Variants in RTN4IP1 observed in about 807,000 individuals in gnomAD.
RTN4IP1 encodes reticulon 4 interacting protein 1.
A neutral mutation model predicts 46.6 loss-of-function variants in RTN4IP1; 32 were observed. The observed-to-expected ratio is 0.69, with a 90% confidence interval of 0.52 to 0.92. The LOEUF is 0.92. RTN4IP1 is among the 40% of genes least tolerant of loss of function. The pLI is 0.00. For synonymous variants in RTN4IP1, 167 were observed against 161.8 expected, an observed-to-expected ratio of 1.03 and a Z score of -0.24; for missense variants, 424 against 485.8, an observed-to-expected ratio of 0.87 and a Z score of 1.20.
At chr6:106,627,278 A>T (rs978554828) in intron 1 of RTN4IP1, among the ~76,000 whole-genome samples, 1 of 152,234 alleles carries the variant, frequency 6.6e-6, no homozygotes, top group Non-Finnish European at 1.5e-5. Context: ...AAAAGTCTAG[A>T]TACAGCCATT....
chr6:106,617,174 C>T (rs1776377223), intron 4 of RTN4IP1, among the ~76,000 whole-genome samples: 1 of 152,208 alleles, frequency 6.6e-6, no homozygotes. Context: ...AAATAAATTT[C>T]TCTTGTTTTT....
chr6:106,583,115 A>C (rs1341798502), intron 8 of RTN4IP1, among the ~76,000 whole-genome samples: 1 of 152,208 alleles, frequency 6.6e-6, no homozygotes, highest in Non-Finnish European at 1.5e-5. Context: ...TAGATGAGAG[A>C]AGCTCTTGTG....
chr6:106,595,356 G>A (rs907095811), intron 5 of RTN4IP1, among the ~76,000 whole-genome samples: 25 of 152,148 alleles, frequency 1.6e-4, no homozygotes, highest in African/African-American at 6.0e-4. Context: ...CAAAACTAGA[G>A]GAGGCACATC....
intron 8 of RTN4IP1, among the ~76,000 whole-genome samples, chr6:106,574,400 G>A (rs1461777528): frequency 2.6e-5 from 4 of 150,982 alleles, no homozygotes; most frequent in South Asian, 2.1e-4. Context: ...CTGAGATCGC[G>A]CCACTGCACT....
At chr6:106,588,559 A>T (rs1414616657) in intron 6 of RTN4IP1, among the ~76,000 whole-genome samples, 1 of 152,256 alleles carries the variant, frequency 6.6e-6, no homozygotes, top group African/African-American at 2.4e-5. Context: ...ACTGACAGAT[A>T]TTCAACTTCT....
At chr6:106,608,791 T>C (rs1402703788) in intron 4 of RTN4IP1, among the ~76,000 whole-genome samples, 1 of 152,184 alleles carries the variant, frequency 6.6e-6, no homozygotes, top group Non-Finnish European at 1.5e-5. Context: ...GGGAAAAAAG[T>C]ATGAAAAGTG....
At chr6:106,607,153 G>A (rs570067756) in intron 4 of RTN4IP1, among the ~76,000 whole-genome samples, 4 of 152,122 alleles carry the variant, frequency 2.6e-5, no homozygotes, top group Non-Finnish European at 5.9e-5. Flanking sequence ...GTTGGTGAGA[G>A]GATAATTTCT....
chr6:106,600,119 C>T (rs1775904666), intron 5 of RTN4IP1, among the ~76,000 whole-genome samples: 1 of 152,100 alleles, frequency 6.6e-6, no homozygotes, highest in African/African-American at 2.4e-5. Context: ...AGTCAGCAGA[C>T]AGACAGGAAG....
chr6:106,602,729 T>C, intron 5 of RTN4IP1, 145 bp downstream of exon 5: 2 of 509,308 alleles, frequency 3.9e-6, no homozygotes, highest in Non-Finnish European at 6.8e-6. Context: ...AAAAAGAATA[T>C]TTTCCTCTTA....
rs747598742 is a variant in RTN4IP1 at position 106,571,155 on chromosome 6, A to AAGTT, written c.*837_*840dup. The AAGTT allele has an allele frequency of 2.0e-5, 3 of 152,184 alleles. No homozygotes were observed. The highest frequency in any genetic ancestry group is 4.4e-5 in the Non-Finnish European group (3 of 68,028). The allele number at this position is 152,184 out of a possible 1,614,324, so 9.4% of individuals were successfully genotyped here. ...TTATGCAAGATGTAAGGGTTTTAAAAAGTTAGAAACTCTGCTCTCACCTTT... is the reference window on the plus strand; with the variant it reads ...TTATGCAAGATGTAAGGGTTTTAAAAAGTTAGTTAGAAACTCTGCTCTCACCTTT... On this transcript the variant is annotated 3_prime_UTR_variant, in exon 9 of 9. Transcript: ENST00000369063.
intron 4 of RTN4IP1, among the ~76,000 whole-genome samples, chr6:106,607,064 T>C (rs894814440): frequency 3.9e-5 from 6 of 151,992 alleles, no homozygotes; most frequent in Non-Finnish European, 5.9e-5. Context: ...CATAGACCAA[T>C]GGAACAGAAT....
At chr6:106,621,537 T>C (rs1272210581) in intron 2 of RTN4IP1, 44 bp from the exon 3 acceptor site, 4 of 1,557,082 alleles carry the variant, frequency 2.6e-6, no homozygotes, top group Non-Finnish European at 3.5e-6. Flanking sequence ...AACACAGATA[T>C]TTTTTGACCG....
chr6:106,588,487 G>A (rs1415701989), intron 6 of RTN4IP1, among the ~76,000 whole-genome samples: 5 of 152,138 alleles, frequency 3.3e-5, no homozygotes, highest in African/African-American at 4.8e-5. Flanking sequence ...CAATGCAAAA[G>A]GAGAAATGAA....
chr6:106,571,922 T>A lies in RTN4IP1; in HGVS notation c.*74A>T, dbSNP rs1244793612. The A allele has an allele frequency of 3.2e-6, 3 of 923,386 alleles. No individual in the cohort carries two copies. The highest frequency in any genetic ancestry group is 5.3e-6 in the Non-Finnish European group (3 of 567,612). The allele number at this position is 923,386 out of a possible 1,614,324, so 57.2% of individuals were successfully genotyped here. ...AATCTGGAAAAATGTTTGAAAGGGA[T>A]GGCTAGAAAAAAATTTGGGCTCACA... On this transcript the variant is annotated 3_prime_UTR_variant, in exon 9 of 9. Coordinates refer to ENST00000369063, the MANE Select transcript of RTN4IP1 (RefSeq NM_032730.5).
At chr6:106,590,904 T>C (rs1224753707) in intron 6 of RTN4IP1, among the ~76,000 whole-genome samples, 2 of 152,060 alleles carry the variant, frequency 1.3e-5, no homozygotes, top group Non-Finnish European at 1.5e-5. Context: ...GCCAGGCATG[T>C]TCCGGACATG....
intron 4 of RTN4IP1, among the ~76,000 whole-genome samples, chr6:106,615,466 G>A (rs1423831528): frequency 6.6e-6 from 1 of 151,998 alleles, no homozygotes; most frequent in Non-Finnish European, 1.5e-5. Context: ...CAATTTAAAA[G>A]TGAAATTTAT....
At chr6:106,592,935 A>G (rs914416248) in intron 5 of RTN4IP1, among the ~76,000 whole-genome samples, 24 of 152,126 alleles carry the variant, frequency 1.6e-4, no homozygotes, top group Admixed American at 2.0e-4. Flanking sequence ...ATCTCAAAAA[A>G]AAAAAAGCCT....
At chr6:106,602,288 C>G (rs138936884) in intron 5 of RTN4IP1, among the ~76,000 whole-genome samples, 3 of 152,052 alleles carry the variant, frequency 2.0e-5, no homozygotes, top group Middle Eastern at 6.8e-3. Context: ...AAAAAAAAAG[C>G]AGTTGCATTT....
At chr6:106,616,363 T>C (rs774166657) in intron 4 of RTN4IP1, among the ~76,000 whole-genome samples, 57 of 152,228 alleles carry the variant, frequency 3.7e-4, no homozygotes, top group African/African-American at 5.5e-4. Context: ...GTAAACATCA[T>C]TGAACCCTTA....
Sources: allele counts gnomAD v4.1 joint callset (sites outside exome capture counted in the v4.1 genomes callset), GRCh38; gene constraint gnomAD v4.1.1; transcripts MANE v1.5; gene names NCBI Gene and HGNC (gene_info 2026-07-23, HGNC 2026-07-21).